TNRC6A: variants seen among roughly 807,000 people sequenced by gnomAD.
The protein encoded by TNRC6A is trinucleotide repeat-containing gene 6A protein.
Under a neutral mutation model 221.2 loss-of-function variants are expected in TNRC6A, and 44 were observed. That is an observed-to-expected ratio of 0.20 (90% CI 0.16 to 0.26). The LOEUF (loss-of-function observed/expected upper bound fraction) is 0.26. Ranked by LOEUF, TNRC6A falls within the 10% of genes least tolerant of loss-of-function variation. The probability of loss-of-function intolerance (pLI) is 1.00; values close to 1 mark genes in which losing one functional copy is unlikely to be tolerated. For missense variants in TNRC6A, 2,199 were observed against 2,404.4 expected, an observed-to-expected ratio of 0.91 and a Z score of 1.79; for synonymous variants, 847 against 838.5, an observed-to-expected ratio of 1.01 and a Z score of -0.18.
intron 2 of TNRC6A, among the ~76,000 whole-genome samples, chr16:24,749,131 A>T (rs942697004): frequency 6.6e-6 from 1 of 152,048 alleles, no homozygotes; most frequent in Non-Finnish European, 1.5e-5. Context: ...GTAACTGGTT[A>T]TTTTGGTTGT....
intron 2 of TNRC6A, among the ~76,000 whole-genome samples, chr16:24,681,921 T>C (rs2055540158): frequency 6.6e-6 from 1 of 152,222 alleles, no homozygotes; most frequent in South Asian, 2.1e-4. Flanking sequence ...TGCAACGTGT[T>C]GCCAAACTCC....
rs532627050 is a variant in TNRC6A, at chr16:24,820,119, T to C, written c.5081-20T>C. On this transcript the variant is annotated intron_variant, in intron 21 of 24. Transcript: ENST00000395799. The stretch of plus-strand genomic sequence containing the variant: ...TTAAACATTATTCCTCCCCTCTCCA[T>C]TTTTTCCCCCTTTGAGTAGCCAGAA... 5.6e-5 allele frequency: 89 copies of C among 1,601,550 alleles called. No homozygotes were observed. In the African/African-American group the frequency reaches 1.1e-3, roughly 20 times the overall value.
chr16:24,745,817 G>T (rs2056997465), intron 2 of TNRC6A, among the ~76,000 whole-genome samples: 1 of 132,180 alleles, frequency 7.6e-6, no homozygotes. Flanking sequence ...CCAGCTAATT[G>T]TTAGGATATT....
At chr16:24,642,173 GA>G (rs1375888781) in intron 2 of TNRC6A, among the ~76,000 whole-genome samples, 6 of 152,186 alleles carry the variant, frequency 3.9e-5, no homozygotes, top group African/African-American at 1.4e-4. Context: ...GCTCCATAGG[GA>G]GGGGCTCTCA....
At chr16:24,738,834 C>T (rs2056829351) in intron 2 of TNRC6A, among the ~76,000 whole-genome samples, 1 of 152,022 alleles carries the variant, frequency 6.6e-6, no homozygotes, top group Non-Finnish European at 1.5e-5. Flanking sequence ...TATATGGTAA[C>T]TTTGTTTAAC....
chr16:24,669,968 T>TTTTTTTTTTTTTTTTTTTG (rs2055259977), intron 2 of TNRC6A, among the ~76,000 whole-genome samples: 2 of 116,018 alleles, frequency 1.7e-5, no homozygotes, highest in South Asian at 2.8e-4. Context: ...TTTTTTTTTT[T>TTTTTTTTTTTTTTTTTTTG]AGACAGAGTC....
intron 2 of TNRC6A, among the ~76,000 whole-genome samples, chr16:24,675,029 C>T (rs960044821): frequency 2.0e-5 from 3 of 151,996 alleles, no homozygotes; most frequent in Non-Finnish European, 4.4e-5. Context: ...GTCTGTAGTC[C>T]CAGCTACTCA....
At chr16:24,674,320 A>G (rs58006672) in intron 2 of TNRC6A, among the ~76,000 whole-genome samples, 69,716 of 151,856 alleles carry the variant, frequency 0.46, 18,440 homozygotes, top group African/African-American at 0.7. Flanking sequence ...ATAGAGGATC[A>G]CTTGAGCCCA....
chr16:24,806,833 G>A (rs1377386889), intron 17 of TNRC6A, 49 bp downstream of exon 17: 10 of 1,564,682 alleles, frequency 6.4e-6, no homozygotes, highest in Non-Finnish European at 8.8e-6. Flanking sequence ...AGGTATCACA[G>A]GCGTGCCTCC....
intron 2 of TNRC6A, among the ~76,000 whole-genome samples, chr16:24,745,950 G>A (rs2057000889): frequency 6.6e-6 from 1 of 151,970 alleles, no homozygotes; most frequent in African/African-American, 2.4e-5. Flanking sequence ...CCAATTTATT[G>A]CCTATTCTTA....
chr16:24,781,652 C>T (rs1163162782), intron 5 of TNRC6A, among the ~76,000 whole-genome samples: 1 of 152,084 alleles, frequency 6.6e-6, no homozygotes, highest in East Asian at 1.9e-4. Context: ...TATGTCCAAA[C>T]TTGAACTCTT....
intron 2 of TNRC6A, among the ~76,000 whole-genome samples, chr16:24,675,540 G>A (rs1268489381): frequency 2.6e-5 from 4 of 151,100 alleles, no homozygotes; most frequent in African/African-American, 7.3e-5. Flanking sequence ...AATTAGCTGG[G>A]CATGGTGGTG....
At chr16:24,627,884 A>C (rs2141654170) in intron 1 of TNRC6A, among the ~76,000 whole-genome samples, 1 of 149,692 alleles carries the variant, frequency 6.7e-6, no homozygotes, top group East Asian at 2.0e-4. Context: ...TTTTTAGTAG[A>C]GATGGGGTTT....
At chr16:24,810,800 T>C (rs2058526819) in intron 18 of TNRC6A, among the ~76,000 whole-genome samples, 1 of 152,174 alleles carries the variant, frequency 6.6e-6, no homozygotes, top group South Asian at 2.1e-4. Context: ...TAGAGGCAGT[T>C]AAGACTTAAA....
upstream of TNRC6A, among the ~76,000 whole-genome samples, chr16:24,729,310 T>C (rs2151132836): frequency 6.6e-6 from 1 of 150,452 alleles, no homozygotes; most frequent in African/African-American, 2.4e-5. Context: ...AATTTTTTTT[T>C]TTTTTTTTTT....
At chr16:24,702,101 T>C (rs932814078) in intron 2 of TNRC6A, among the ~76,000 whole-genome samples, 1 of 78,700 alleles carries the variant, frequency 1.3e-5, no homozygotes, top group Non-Finnish European at 2.1e-5. Context: ...TTTTCTTTTC[T>C]TTTTTCTTTT....
intron 2 of TNRC6A, among the ~76,000 whole-genome samples, chr16:24,654,213 A>G (rs560053917): frequency 3.3e-5 from 5 of 152,340 alleles, no homozygotes; most frequent in Non-Finnish European, 7.3e-5. Flanking sequence ...GGTGTGACCC[A>G]CTGCACTTGG....
upstream of TNRC6A, among the ~76,000 whole-genome samples, chr16:24,729,033 C>G (rs566197098): frequency 6.6e-6 from 1 of 152,114 alleles, no homozygotes; most frequent in Non-Finnish European, 1.5e-5. Flanking sequence ...AGCTTAGTAT[C>G]TCGAAGGTGA....
intron 2 of TNRC6A, among the ~76,000 whole-genome samples, chr16:24,680,486 G>C (rs12444021): frequency 6.6e-6 from 1 of 151,370 alleles, no homozygotes; most frequent in East Asian, 1.9e-4. Context: ...TTGGGAGGTC[G>C]AGGCAGGCAG....
Sources: allele counts gnomAD v4.1 joint callset (sites outside exome capture counted in the v4.1 genomes callset), GRCh38; gene constraint gnomAD v4.1.1; transcripts MANE v1.5; gene names NCBI Gene and HGNC (gene_info 2026-07-23, HGNC 2026-07-21).